PRKCA: variants seen among roughly 807,000 people sequenced by gnomAD.
PRKCA encodes protein kinase C alpha type.
A neutral mutation model predicts 87.0 loss-of-function variants in PRKCA; 27 were observed. The observed-to-expected ratio is 0.31, with a 90% CI of 0.23 to 0.43. The LOEUF is 0.43. Ranked by LOEUF, PRKCA falls within the 20% of genes least tolerant of loss-of-function variation. The pLI is 1.00. For synonymous variants in PRKCA, 329 were observed against 311.1 expected (o/e 1.06, Z -0.61); for missense variants, 518 against 852.3 (o/e 0.61, Z 4.88).
At chr17:66,352,596 T>C (rs1488195447) in intron 2 of PRKCA, among the ~76,000 whole-genome samples, 1 of 136,454 alleles carries the variant, frequency 7.3e-6, no homozygotes, top group African/African-American at 2.7e-5. Context: ...ATGGAGTCTC[T>C]CTCTGTTGCC....
chr17:66,638,744 G>C (rs1341228684), intron 3 of PRKCA, among the ~76,000 whole-genome samples: 5 of 151,954 alleles, frequency 3.3e-5, no homozygotes, highest in Non-Finnish European at 5.9e-5. Flanking sequence ...GCTACTCGGG[G>C]GGCTGAGGCA....
At chr17:66,791,620 G>GT (rs1181516042) in intron 16 of PRKCA, among the ~76,000 whole-genome samples, 3 of 152,214 alleles carry the variant, frequency 2.0e-5, no homozygotes, top group Non-Finnish European at 4.4e-5. Context: ...AGCCGAGTGA[G>GT]GCTCATCGCA....
At chr17:66,612,245 G>A (rs557481220) in intron 3 of PRKCA, among the ~76,000 whole-genome samples, 7 of 151,972 alleles carry the variant, frequency 4.6e-5, no homozygotes, top group Non-Finnish European at 8.8e-5. Context: ...GCTGGGCATG[G>A]TGGCAGGCGC....
At chr17:66,777,595 G>A (rs1975088484) in intron 14 of PRKCA, 3 of 985,058 alleles carry the variant, frequency 3.0e-6, no homozygotes, top group Middle Eastern at 5.2e-4. Context: ...AGTAAAATTC[G>A]GCTCTGAATT....
chr17:66,702,841 T>A (rs1050157997), intron 8 of PRKCA, among the ~76,000 whole-genome samples: 1 of 152,218 alleles, frequency 6.6e-6, no homozygotes, highest in Non-Finnish European at 1.5e-5. Flanking sequence ...GGGTGTAACC[T>A]ATTGCTTCTA....
intron 3 of PRKCA, among the ~76,000 whole-genome samples, chr17:66,512,791 C>G (rs1380211053): frequency 6.6e-6 from 1 of 152,110 alleles, no homozygotes; most frequent in Non-Finnish European, 1.5e-5. Context: ...CTCCCAGGTT[C>G]GAGCAATTCT....
At chr17:66,532,900 T>A (rs2143051759) in intron 3 of PRKCA, among the ~76,000 whole-genome samples, 1 of 152,338 alleles carries the variant, frequency 6.6e-6, no homozygotes, top group Admixed American at 6.5e-5. Context: ...GGAATTAGTT[T>A]GCACACACAG....
chr17:66,492,853 T>C (rs1916303699), intron 2 of PRKCA, among the ~76,000 whole-genome samples: 1 of 152,242 alleles, frequency 6.6e-6, no homozygotes, highest in Non-Finnish European at 1.5e-5. Context: ...AGTGTCTCTG[T>C]GCTGCCTGGG....
At chr17:66,351,141 T>C (rs1318809697) in intron 2 of PRKCA, among the ~76,000 whole-genome samples, 1 of 152,120 alleles carries the variant, frequency 6.6e-6, no homozygotes, top group Non-Finnish European at 1.5e-5. Context: ...TGGTATGTAG[T>C]GGGGAGTGGG....
At position 66,448,382 on chromosome 17, in the gene PRKCA, C is replaced by T. The variant is rs376938193; in HGVS notation, c.206-47819C>T. Among the ~76,000 whole-genome samples the T allele has an allele frequency of 2.0e-4, 30 of 152,244 alleles. No individual in the cohort carries two copies. The East Asian group carries it at 3.3e-3, about 17-fold the overall frequency. ...TGAAAATTGGTTTCGGAAATCGAGA[C>T]GCCTGATGGAAGTTTGTGTGTCGTT... On this transcript the variant is annotated intron_variant, in intron 2 of 16. Transcript: ENST00000413366.
chr17:66,406,763 A>G (rs1216138774), intron 2 of PRKCA, among the ~76,000 whole-genome samples: 2 of 152,028 alleles, frequency 1.3e-5, no homozygotes, highest in African/African-American at 2.4e-5. Flanking sequence ...TTACACAGCC[A>G]TCTACTTTCA....
intron 3 of PRKCA, among the ~76,000 whole-genome samples, chr17:66,517,257 C>G (rs1966997678): frequency 6.6e-6 from 1 of 152,166 alleles, no homozygotes; most frequent in South Asian, 2.1e-4. Context: ...ACACTCCAGC[C>G]TGGCGACAGA....
At chr17:66,383,293 C>T (rs1012406422) in intron 2 of PRKCA, among the ~76,000 whole-genome samples, 3 of 152,096 alleles carry the variant, frequency 2.0e-5, no homozygotes, top group African/African-American at 7.2e-5. Flanking sequence ...TTCCAAGTTG[C>T]TTTCCAAAGG....
intron 2 of PRKCA, among the ~76,000 whole-genome samples, chr17:66,474,007 T>C (rs1915435438): frequency 6.6e-6 from 1 of 152,208 alleles, no homozygotes; most frequent in Non-Finnish European, 1.5e-5. Flanking sequence ...ATATGAACTG[T>C]GTGACTTTGC....
chr17:66,623,138 C>T (rs976986568), intron 3 of PRKCA, among the ~76,000 whole-genome samples: 1 of 152,200 alleles, frequency 6.6e-6, no homozygotes, highest in African/African-American at 2.4e-5. Context: ...CTTCTTTGTA[C>T]CAGAATGCCT....
At chr17:66,363,148 G>C (rs1191502186) in intron 2 of PRKCA, among the ~76,000 whole-genome samples, 1 of 152,196 alleles carries the variant, frequency 6.6e-6, no homozygotes, top group African/African-American at 2.4e-5. Context: ...ATCCTGTTTT[G>C]CTTTCACAGG....
At chr17:66,534,329 C>T (rs114924197) in intron 3 of PRKCA, among the ~76,000 whole-genome samples, 39 of 152,184 alleles carry the variant, frequency 2.6e-4, no homozygotes, top group African/African-American at 9.4e-4. Context: ...ATTCTTATCC[C>T]TAATTGACTT....
At chr17:66,461,368 C>A (rs1410631898) in intron 2 of PRKCA, among the ~76,000 whole-genome samples, 1 of 152,150 alleles carries the variant, frequency 6.6e-6, no homozygotes, top group Non-Finnish European at 1.5e-5. Flanking sequence ...TCAGTCTCAA[C>A]CAGCATATGT....
chr17:66,367,011 C>T (rs1487296879), intron 2 of PRKCA, among the ~76,000 whole-genome samples: 2 of 152,152 alleles, frequency 1.3e-5, no homozygotes, highest in African/African-American at 4.8e-5. Context: ...TTCAGGTTTT[C>T]AGGTTGCCCT....
Sources: gnomAD v4.1 joint callset for allele counts (sites outside exome capture counted in the v4.1 genomes callset) on GRCh38, gnomAD v4.1.1 for gene constraint, MANE v1.5 for transcripts, NCBI Gene and HGNC (gene_info 2026-07-23, HGNC 2026-07-21) for gene names.